USP49: variants seen among roughly 807,000 people sequenced by gnomAD.
USP49 encodes ubiquitin specific peptidase 49, also known as ubiquitin carboxyl-terminal hydrolase 49.
In USP49, 24 loss-of-function variants were observed where a neutral mutation model predicts 58.6. The ratio of observed to expected loss-of-function variants is 0.41; its 90% CI spans 0.30 to 0.58. USP49 has a LOEUF of 0.58. Among genes scored for constraint, USP49 ranks in the 20% least tolerant of loss-of-function variants. The probability of loss-of-function intolerance (pLI) is 0.30; values close to 1 mark genes in which losing one functional copy is unlikely to be tolerated. For synonymous variants in USP49, 408 were observed against 365.1 expected (o/e 1.12, Z -1.34); for missense variants, 703 against 866.1 (o/e 0.81, Z 2.36).
intron 3 of USP49, among the ~76,000 whole-genome samples, chr6:41,824,248 TAAAC>T (rs1431073174): frequency 6.6e-6 from 1 of 152,122 alleles, no homozygotes; most frequent in Non-Finnish European, 1.5e-5. Flanking sequence ...AAGCTATTCT[TAAAC>T]AAGAAAATGG....
chr6:41,863,739 C>T (rs1397721398), intron 3 of USP49, among the ~76,000 whole-genome samples: 1 of 152,156 alleles, frequency 6.6e-6, no homozygotes, highest in Non-Finnish European at 1.5e-5. Flanking sequence ...AGATGAACAA[C>T]ATTAATGCAA....
At chr6:41,848,956 G>A (rs1773972339) in intron 3 of USP49, among the ~76,000 whole-genome samples, 2 of 152,028 alleles carry the variant, frequency 1.3e-5, no homozygotes, top group East Asian at 1.9e-4. Context: ...GTCTTGGCCT[G>A]CCAAAGTGTT....
At chr6:41,814,170 G>C (rs1773307259) in intron 3 of USP49, among the ~76,000 whole-genome samples, 1 of 152,164 alleles carries the variant, frequency 6.6e-6, no homozygotes, top group East Asian at 1.9e-4. Flanking sequence ...GTTTTAAATA[G>C]ATCAGCAGCT....
At chr6:41,802,471 TTTTATTTA>T (rs1188922105) in intron 5 of USP49, among the ~76,000 whole-genome samples, 52 of 71,032 alleles carry the variant, frequency 7.3e-4, no homozygotes, top group African/African-American at 2.4e-3. Flanking sequence ...TTTATTTATT[TTTTATTTA>T]TTTTTTTTTT....
At chr6:41,857,556 G>A (rs1774152368) in intron 3 of USP49, among the ~76,000 whole-genome samples, 1 of 152,212 alleles carries the variant, frequency 6.6e-6, no homozygotes, top group African/African-American at 2.4e-5. Context: ...TGAGGCAGGA[G>A]GATCACTTAA....
At chr6:41,809,023 C>T (rs1409357963) in intron 3 of USP49, among the ~76,000 whole-genome samples, 1 of 152,088 alleles carries the variant, frequency 6.6e-6, no homozygotes, top group Non-Finnish European at 1.5e-5. Context: ...AAGTGATCCT[C>T]CCACCTCAGC....
intron 2 of USP49, among the ~76,000 whole-genome samples, chr6:41,875,316 T>C (rs952989105): frequency 3.9e-5 from 6 of 152,134 alleles, no homozygotes; most frequent in African/African-American, 2.4e-5. Flanking sequence ...TTAACCAAGA[T>C]TATATCTTTT....
chr6:41,802,625 C>G (rs1336972716), intron 5 of USP49, among the ~76,000 whole-genome samples: 1 of 151,196 alleles, frequency 6.6e-6, no homozygotes, highest in Non-Finnish European at 1.5e-5. Context: ...AACTGGTAAT[C>G]TAAACTATTA....
At chr6:41,828,651 A>C (rs1460663411) in intron 3 of USP49, among the ~76,000 whole-genome samples, 2 of 152,208 alleles carry the variant, frequency 1.3e-5, no homozygotes, top group Non-Finnish European at 2.9e-5. Flanking sequence ...ATGTGTTGTA[A>C]ATATCCTCTG....
At chr6:41,866,215 G>A (rs947540775) in intron 3 of USP49, among the ~76,000 whole-genome samples, 4 of 151,326 alleles carry the variant, frequency 2.6e-5, no homozygotes, top group South Asian at 4.2e-4. Flanking sequence ...CACTGCACCC[G>A]GCCCTGCATG....
chr6:41,882,487 T>C (rs1774627235), intron 2 of USP49, among the ~76,000 whole-genome samples: 1 of 152,064 alleles, frequency 6.6e-6, no homozygotes, highest in African/African-American at 2.4e-5. Flanking sequence ...TAAGGGGAAA[T>C]GTAAAGCCAT....
At chr6:41,821,990 C>T (rs939660243) in intron 3 of USP49, among the ~76,000 whole-genome samples, 2 of 152,138 alleles carry the variant, frequency 1.3e-5, no homozygotes, top group African/African-American at 2.4e-5. Context: ...TCACAAACAC[C>T]AACCAACAGG....
At chr6:41,886,809 G>C (rs952223768) in intron 2 of USP49, among the ~76,000 whole-genome samples, 2 of 152,222 alleles carry the variant, frequency 1.3e-5, no homozygotes, top group Non-Finnish European at 2.9e-5. Flanking sequence ...TGAGACAGGA[G>C]AATCACTTGA....
intron 3 of USP49, among the ~76,000 whole-genome samples, chr6:41,862,201 G>A (rs1486348947): frequency 6.6e-6 from 1 of 152,198 alleles, no homozygotes; most frequent in African/African-American, 2.4e-5. Flanking sequence ...ATGAATTGCT[G>A]TGTCAAGGGA....
chr6:41,824,380 AG>A (rs1417154427), intron 3 of USP49, among the ~76,000 whole-genome samples: 2 of 152,012 alleles, frequency 1.3e-5, no homozygotes, highest in Non-Finnish European at 2.9e-5. Context: ...ACACAGTGCA[AG>A]GATAATAAAA....
intron 3 of USP49, among the ~76,000 whole-genome samples, chr6:41,821,718 G>A (rs1773455861): frequency 6.6e-6 from 1 of 152,018 alleles, no homozygotes; most frequent in Non-Finnish European, 1.5e-5. Flanking sequence ...AGGTTGCAGT[G>A]AGCCGAGATC....
chr6:41,818,211 T>G (rs1249993936), intron 3 of USP49, among the ~76,000 whole-genome samples: 1 of 152,160 alleles, frequency 6.6e-6, no homozygotes, highest in African/African-American at 2.4e-5. Flanking sequence ...TAACTTAATA[T>G]TCTTGCTATA....
intron 3 of USP49, among the ~76,000 whole-genome samples, chr6:41,847,774 G>T (rs1167298403): frequency 6.6e-6 from 1 of 151,550 alleles, no homozygotes; most frequent in South Asian, 2.1e-4. Context: ...AGCACATAAA[G>T]AACTTATAGG....
At chr6:41,858,327 T>C (rs2127353586) in intron 3 of USP49, among the ~76,000 whole-genome samples, 1 of 152,344 alleles carries the variant, frequency 6.6e-6, no homozygotes, top group Admixed American at 6.5e-5. Context: ...TGCTTTATTC[T>C]TTTAAATTAA....
Sources: gnomAD v4.1 joint callset for allele counts (sites outside exome capture counted in the v4.1 genomes callset) on GRCh38, gnomAD v4.1.1 for gene constraint, MANE v1.5 for transcripts, NCBI Gene and HGNC (gene_info 2026-07-23, HGNC 2026-07-21) for gene names.